Variants in APAF1 observed in about 807,000 individuals in gnomAD.
APAF1 encodes the protein apoptotic peptidase activating factor 1, also known as apoptotic protease-activating factor 1.
APAF1 carries 91 observed loss-of-function variants against 152.4 expected under a neutral mutation model. The observed-to-expected ratio is 0.60, with a 90% confidence interval of 0.50 to 0.71. The LOEUF (loss-of-function observed/expected upper bound fraction) is 0.71. Among genes scored for constraint, APAF1 ranks in the 30% least tolerant of loss-of-function variants. The pLI is 0.00. For synonymous variants in APAF1, 484 were observed against 494.1 expected (o/e 0.98, Z 0.27); for missense variants, 1,283 against 1,472.0 (o/e 0.87, Z 2.10).
Position 98,686,739 on chromosome 12 carries a change from C to G in APAF1, c.2179-9C>G. On this transcript the variant is annotated splice_polypyrimidine_tract_variant and intron_variant, in intron 15 of 26. Transcript: ENST00000551964. The stretch of plus-strand genomic sequence containing the variant: ...GTTGTTTATTTATCTTTTTTTCTTT[C>G]ACAAATAGCTTTGGGATTTGAATCA... The G allele has an allele frequency of 1.9e-6, 3 of 1,610,960 alleles. No homozygotes were observed. Among genetic ancestry groups the G allele is most frequent in the Non-Finnish European group, 2.5e-6 (3 of 1,178,692 alleles).
In APAF1 at chr12:98,680,392, A is replaced by G. The variant is rs1163276261; in HGVS notation, c.2036A>G (p.Lys679Arg). 3 of 1,613,454 alleles carry G rather than the reference A, an allele frequency of 1.9e-6. No individual in the cohort carries two copies. Among genetic ancestry groups the G allele is most frequent in the East Asian group, 2.2e-5 (1 of 44,864 alleles). Residue 679 changes from lysine to arginine, a missense_variant, in exon 14 of 27, where the codon AAA (lysine) becomes AGA (arginine). Coordinates refer to ENST00000551964, the MANE Select transcript of APAF1 (RefSeq NM_181861.2). ...TTTATAGCAACCTGCTCAGTGGATAAAAAAGTGAAGGTAGGAAAATCTTTT... is the reference window on the plus strand; with the variant it reads ...TTTATAGCAACCTGCTCAGTGGATAGAAAAGTGAAGGTAGGAAAATCTTTT... ...DRFIATCSVD[K>R]KVKIWNSMTG...
At chr12:98,731,243 A>G (rs1275630289) in intron 26 of APAF1, among the ~76,000 whole-genome samples, 2 of 152,228 alleles carry the variant, frequency 1.3e-5, no homozygotes, top group African/African-American at 2.4e-5. Context: ...CCACAAACAC[A>G]TAGCCTCTTC....
intron 4 of APAF1, among the ~76,000 whole-genome samples, chr12:98,652,646 G>A (rs1472559373): frequency 1.3e-5 from 2 of 150,300 alleles, no homozygotes; most frequent in Non-Finnish European, 3.0e-5. Context: ...TTTTTTTTGA[G>A]ACGGAGTTTC....
In APAF1 at chr12:98,648,722, G is replaced by A. The variant is rs2097645389; in HGVS notation, c.235G>A (p.Gly79Arg). The A allele has an allele frequency of 6.2e-7, 1 of 1,613,830 alleles. No individual in the cohort carries two copies. Among genetic ancestry groups the A allele is most frequent in the Non-Finnish European group, 8.5e-7 (1 of 1,179,808 alleles). Residue 79 changes from glycine (G) to arginine (R), a missense_variant, in exon 3 of 27, where the codon GGA (glycine) becomes AGA (arginine). By Grantham distance (125) the Gly-to-Arg change is moderately radical. Coordinates refer to ENST00000551964, the MANE Select transcript of APAF1 (RefSeq NM_181861.2). ...VSFYNALLHE[G>R]YKDLAALLHD... ...ATTCTACAATGCTCTACTACATGAA[G>A]GATATAAAGATCTTGCTGCCCTTCT... is the stretch of plus-strand genomic sequence containing the variant.
chr12:98,665,278 A>ATATATTTT (rs1491316422), intron 7 of APAF1, among the ~76,000 whole-genome samples: 68 of 65,982 alleles, frequency 1.0e-3, no homozygotes, highest in African/African-American at 3.8e-3. Context: ...ATATATATAT[A>ATATATTTT]TTTTTTTTTT....
chr12:98,718,081 C>T (rs1470363333), intron 22 of APAF1, among the ~76,000 whole-genome samples: 2 of 152,180 alleles, frequency 1.3e-5, no homozygotes, highest in African/African-American at 4.8e-5. Context: ...CTTGATCCCT[C>T]ATTCTCAGAA....
In APAF1 at chr12:98,676,647, G is replaced by A. The variant is rs553497662; in HGVS notation, c.1794-778G>A. ...TCTGAATAATTGTAGTTTGAGAGAA[G>A]CAGTTTTTTTTTTTTTTGAAATGGA... On this transcript the variant is annotated intron_variant, in intron 12 of 26. Coordinates refer to ENST00000551964, the MANE Select transcript of APAF1 (RefSeq NM_181861.2). 1.2e-3 allele frequency among the ~76,000 whole-genome samples: 130 copies of A among 105,848 alleles called. 1 individual carries two copies. Among genetic ancestry groups the A allele is most frequent in the African/African-American group, 4.9e-3 (124 of 25,542 alleles). 69.4% of individuals were successfully genotyped at this position (105,848 alleles called of 152,430 possible).
intron 25 of APAF1, chr12:98,726,377 C>G (rs543843520): frequency 6.6e-6 from 1 of 152,520 alleles, no homozygotes; most frequent in East Asian, 1.9e-4. Context: ...ATTGGGATGA[C>G]TACTTTGGTA....
chr12:98,656,323 CTTTAAG>C (rs1292065691), intron 4 of APAF1, among the ~76,000 whole-genome samples: 3 of 152,316 alleles, frequency 2.0e-5, no homozygotes, highest in Admixed American at 6.5e-5. Flanking sequence ...CAGAACACAG[CTTTAAG>C]TTTAAGTGAA....
intron 13 of APAF1, among the ~76,000 whole-genome samples, chr12:98,679,180 G>A (rs546159610): frequency 6.6e-6 from 1 of 152,150 alleles, no homozygotes; most frequent in Admixed American, 6.5e-5. Context: ...TAAAAGCCTC[G>A]GGCTTAGCCA....
intron 10 of APAF1, among the ~76,000 whole-genome samples, chr12:98,668,368 A>G (rs2097676038): frequency 6.6e-6 from 1 of 152,164 alleles, no homozygotes; most frequent in Admixed American, 6.5e-5. Flanking sequence ...TTGAGAGGAA[A>G]TGGATAGTGG....
rs879925687 is a variant in APAF1 at position 98,735,282 on chromosome 12, A to AT, written c.*2725dup. ...AATTACATTGGACTTCATATATATA[A>AT]TTTTTTTTTACATTATATGTCTCTT... On this transcript the variant is annotated 3_prime_UTR_variant, in exon 27 of 27. Transcript: ENST00000551964. 42 of 396,688 alleles carry AT rather than the reference A, an allele frequency of 1.1e-4. No homozygotes were observed. Among genetic ancestry groups the AT allele is most frequent in the Non-Finnish European group, 1.5e-4 (34 of 225,484 alleles). The allele number at this position is 396,688 out of a possible 1,614,324, so 24.6% of individuals were successfully genotyped here.
chr12:98,687,942 G>A (rs2097699743), intron 16 of APAF1, among the ~76,000 whole-genome samples: 1 of 152,130 alleles, frequency 6.6e-6, no homozygotes, highest in African/African-American at 2.4e-5. Flanking sequence ...CTCCCAAGTA[G>A]ATAGGAGTAC....
chr12:98,677,438 A>G lies in APAF1; in HGVS notation c.1807A>G (p.Ile603Val). 1 of 1,614,080 alleles carries G rather than the reference A, an allele frequency of 6.2e-7. No individual in the cohort carries two copies. The highest frequency in any genetic ancestry group is 8.5e-7 in the Non-Finnish European group (1 of 1,180,006). The change falls in exon 13 of 27, where the codon ATC becomes GTC. Residue 603 changes from isoleucine (I) to valine (V), a missense_variant. Ile to Val is a conservative substitution (Grantham distance 29). Coordinates refer to ENST00000551964, the MANE Select transcript of APAF1 (RefSeq NM_181861.2). ...LYLEWINKKN[I>V]TNLSRLVVRP... Reference sequence around the variant, plus strand: ...CCCTGTATTTAGAAACAAAAAAAACATCACGAATCTTTCCCGCTTAGTTGT... The same window carrying G: ...CCCTGTATTTAGAAACAAAAAAAACGTCACGAATCTTTCCCGCTTAGTTGT...
chr12:98,728,481 AG>A (rs1166193093), intron 26 of APAF1, among the ~76,000 whole-genome samples: 1 of 152,154 alleles, frequency 6.6e-6, no homozygotes, highest in Non-Finnish European at 1.5e-5. Flanking sequence ...GCACTTTGGG[AG>A]GCCAAGGCGG....
At chr12:98,687,487 T>A (rs1466340354) in intron 16 of APAF1, among the ~76,000 whole-genome samples, 3 of 152,206 alleles carry the variant, frequency 2.0e-5, no homozygotes, top group Non-Finnish European at 4.4e-5. Context: ...TTTTAGTTTA[T>A]TTTGTGCTTC....
At chr12:98,698,034 A>G (rs907871088) in intron 16 of APAF1, among the ~76,000 whole-genome samples, 5 of 152,320 alleles carry the variant, frequency 3.3e-5, no homozygotes, top group African/African-American at 1.2e-4. Context: ...TGCTGGTATT[A>G]GTTTATGTGG....
rs1457979881 is a variant in APAF1, at chr12:98,715,257, T to TG, written c.2959-170_2959-169insG. Among the ~76,000 whole-genome samples, 8 of 123,290 alleles carry TG rather than the reference T, an allele frequency of 6.5e-5. No individual in the cohort carries two copies. In the East Asian group the frequency reaches 2.0e-3, roughly 30 times the overall value. 80.9% of individuals were successfully genotyped at this position (123,290 alleles called of 152,430 possible). ...GTGCATATATATATATATATATATA[T>TG]ATATATATATATATATATATATATG... On this transcript the variant is annotated intron_variant, in intron 21 of 26. Coordinates refer to ENST00000551964, the MANE Select transcript of APAF1 (RefSeq NM_181861.2).
chr12:98,720,358 A>C lies in APAF1; in HGVS notation c.3085-2835A>C, dbSNP rs1347995608. On this transcript the variant is annotated intron_variant, in intron 22 of 26. Coordinates refer to ENST00000551964, the MANE Select transcript of APAF1 (RefSeq NM_181861.2). ...TTTTAAATGTAACAAAACTCTATAG[A>C]TATTTTCGAGAAATGACTGGTTGGG... is the stretch of plus-strand genomic sequence containing the variant. 3.3e-5 allele frequency among the ~76,000 whole-genome samples: 5 copies of C among 152,322 alleles called. No homozygotes were observed. In the East Asian group the frequency reaches 9.6e-4, roughly 29 times the overall value.
Sources: gnomAD v4.1 joint callset for allele counts (sites outside exome capture counted in the v4.1 genomes callset) on GRCh38, gnomAD v4.1.1 for gene constraint, MANE v1.5 for transcripts, NCBI Gene and HGNC (gene_info 2026-07-23, HGNC 2026-07-21) for gene names.